Variants in TASP1 observed in about 807,000 individuals in gnomAD.
TASP1 encodes taspase 1, also known as threonine aspartase 1.
A neutral mutation model predicts 56.6 loss-of-function variants in TASP1; 16 were observed. That is an observed-to-expected ratio of 0.28 (90% CI 0.19 to 0.43). The LOEUF (loss-of-function observed/expected upper bound fraction) is 0.43, where lower values mean the gene tolerates loss of function less well. Ranked by LOEUF, TASP1 falls within the 20% of genes least tolerant of loss-of-function variation. TASP1 has a pLI of 1.00. For missense variants in TASP1, 393 were observed against 511.6 expected, an observed-to-expected ratio of 0.77 and a Z score of 2.24; for synonymous variants, 179 against 184.2, an observed-to-expected ratio of 0.97 and a Z score of 0.23.
intron 6 of TASP1, among the ~76,000 whole-genome samples, chr20:13,569,901 A>T (rs938456031): frequency 6.6e-6 from 1 of 152,132 alleles, no homozygotes; most frequent in Non-Finnish European, 1.5e-5. Context: ...TCTTGGACCA[A>T]CAGGGTTCTC....
the TASP1 span, among the ~76,000 whole-genome samples, chr20:13,340,142 G>A: frequency 5.1e-4 from 77 of 152,120 alleles, no homozygotes; most frequent in African/African-American, 1.8e-3. Context: ...GGAAAAACAG[G>A]AACAAACACA....
the TASP1 span, among the ~76,000 whole-genome samples, chr20:13,342,848 G>A: frequency 6.6e-6 from 1 of 152,236 alleles, no homozygotes; most frequent in Non-Finnish European, 1.5e-5. Context: ...GTGTGTAGAG[G>A]ATGGGTCCTT....
the TASP1 span, among the ~76,000 whole-genome samples, chr20:13,221,126 A>AGTG: frequency 6.6e-6 from 1 of 151,554 alleles, no homozygotes; most frequent in Admixed American, 6.6e-5. Flanking sequence ...CGCGGAGAGT[A>AGTG]GTGGAGGTGG....
the TASP1 span, among the ~76,000 whole-genome samples, chr20:13,362,233 C>T: frequency 6.6e-6 from 1 of 151,010 alleles, no homozygotes; most frequent in Non-Finnish European, 1.5e-5. Context: ...TATAAGAAGG[C>T]AGGAATGTCA....
chr20:13,152,493 A>C, the TASP1 span, among the ~76,000 whole-genome samples: 3 of 152,222 alleles, frequency 2.0e-5, no homozygotes, highest in East Asian at 5.8e-4. Context: ...ATGATCCATC[A>C]GGACTCTCAG....
intron 6 of TASP1, among the ~76,000 whole-genome samples, chr20:13,571,906 T>C (rs1367165760): frequency 6.6e-6 from 1 of 152,070 alleles, no homozygotes; most frequent in Non-Finnish European, 1.5e-5. Flanking sequence ...GTTCCCTCTG[T>C]CTGGCTCTTT....
chr20:13,626,835 A>AG, intron 2 of TASP1, among the ~76,000 whole-genome samples: 1 of 152,254 alleles, frequency 6.6e-6, no homozygotes, highest in East Asian at 1.9e-4. Flanking sequence ...CTTCAGTGTA[A>AG]GGGACAAGGG....
the TASP1 span, among the ~76,000 whole-genome samples, chr20:13,323,067 C>T: frequency 2.6e-5 from 4 of 151,990 alleles, no homozygotes; most frequent in African/African-American, 7.3e-5. Context: ...AAGACACCAC[C>T]CAGGCATTGT....
chr20:13,324,789 T>C, the TASP1 span, among the ~76,000 whole-genome samples: 2 of 152,178 alleles, frequency 1.3e-5, no homozygotes, highest in Non-Finnish European at 2.9e-5. Flanking sequence ...AAACAAATTA[T>C]TAGATATTAC....
intron 1 of TASP1, among the ~76,000 whole-genome samples, chr20:13,636,711 A>G (rs1171754527): frequency 6.6e-6 from 1 of 152,082 alleles, no homozygotes; most frequent in Admixed American, 6.6e-5. Context: ...AATAACCTAC[A>G]CTTTTATGAT....
chr20:13,569,649 T>G, intron 6 of TASP1, 63 bp from the exon 7 acceptor site: 1 of 1,374,942 alleles, frequency 7.3e-7, no homozygotes, highest in East Asian at 2.3e-5. Flanking sequence ...ATTCAATAAA[T>G]ATAGGTAATA....
the TASP1 span, among the ~76,000 whole-genome samples, chr20:13,365,006 T>C: frequency 6.6e-6 from 1 of 152,182 alleles, no homozygotes; most frequent in Non-Finnish European, 1.5e-5. Context: ...TGACTGATAA[T>C]TTTCAGAACA....
intron 6 of TASP1, among the ~76,000 whole-genome samples, chr20:13,576,996 C>T (rs1368100637): frequency 3.9e-5 from 6 of 152,128 alleles, no homozygotes; most frequent in African/African-American, 1.4e-4. Flanking sequence ...CATTTTTGTA[C>T]ATCTATGCAC....
At chr20:13,256,382 T>TGA in the TASP1 span, among the ~76,000 whole-genome samples, 188 of 121,284 alleles carry the variant, frequency 1.6e-3, no homozygotes, top group African/African-American at 6.0e-3. Flanking sequence ...GGCAACAGAG[T>TGA]GAGACCCCGT....
chr20:13,598,427 T>C (rs539209064), intron 4 of TASP1, among the ~76,000 whole-genome samples: 2 of 152,142 alleles, frequency 1.3e-5, no homozygotes, highest in Non-Finnish European at 2.9e-5. Context: ...AAACAAGAAA[T>C]GGGGAAATGA....
the TASP1 span, among the ~76,000 whole-genome samples, chr20:13,251,157 G>A: frequency 2.0e-5 from 3 of 152,142 alleles, no homozygotes; most frequent in Non-Finnish European, 2.9e-5. Flanking sequence ...GCAAAGCCCT[G>A]GGGATTTCTT....
At chr20:13,327,978 C>T in the TASP1 span, among the ~76,000 whole-genome samples, 155 of 152,118 alleles carry the variant, frequency 1.0e-3, no homozygotes, top group Admixed American at 3.6e-3. Context: ...AACTAAAGAG[C>T]GACTGCACAG....
the TASP1 span, among the ~76,000 whole-genome samples, chr20:13,358,742 C>T: frequency 8.0e-4 from 78 of 97,134 alleles, 1 homozygote; most frequent in Non-Finnish European, 8.3e-4. Context: ...CACACAGGGA[C>T]GCTTACTCAC....
chr20:13,273,727 GGCTCCA>G, the TASP1 span, among the ~76,000 whole-genome samples: 2 of 152,124 alleles, frequency 1.3e-5, no homozygotes, highest in Admixed American at 1.3e-4. Flanking sequence ...AAATTAATGC[GGCTCCA>G]GCCTAGCTAC....
Sources: allele counts gnomAD v4.1 joint callset (sites outside exome capture counted in the v4.1 genomes callset), GRCh38; gene constraint gnomAD v4.1.1; transcripts MANE v1.5; gene names NCBI Gene and HGNC (gene_info 2026-07-23, HGNC 2026-07-21).